MUC6: variants seen among roughly 807,000 people sequenced by gnomAD.
MUC6 encodes the protein mucin-6.
In MUC6, 188 loss-of-function variants were observed where a neutral mutation model predicts 201.5. The ratio of observed to expected loss-of-function variants is 0.93; its 90% confidence interval spans 0.83 to 1.05. The LOEUF is 1.05. Among genes scored for constraint, MUC6 ranks in the 50% least tolerant of loss-of-function variants. The pLI is 0.00. For synonymous variants in MUC6, 1,228 were observed against 1,389.4 expected (o/e 0.88, Z 2.58); for missense variants, 2,706 against 3,256.9 (o/e 0.83, Z 4.12).
At chr11:1,032,387 C>T (rs575493759) in intron 2 of MUC6, among the ~76,000 whole-genome samples, 2 of 150,842 alleles carry the variant, frequency 1.3e-5, no homozygotes, top group African/African-American at 4.9e-5. Flanking sequence ...TGTTGGAGGG[C>T]TGTGTAGGCG....
intron 5 of MUC6, 54 bp downstream of exon 5, chr11:1,031,111 TGCCC>T: frequency 1.7e-6 from 1 of 591,482 alleles, no homozygotes; most frequent in Admixed American, 7.2e-5. Context: ...GAGGCCCCCC[TGCCC>T]TGCCCCCCAC....
At position 1,029,545 on chromosome 11, in the gene MUC6, G is replaced by A. The variant is rs747438180; in HGVS notation, c.1086C>T (p.His362=). ...CCTCCCCGGGGGCATACATGGCGCC[G>A]TGGAGCACACAGGGGCACTGGGTGA... ...VPVTQCPCVL[H]GAMYAPGEVT... is the part of the protein sequence containing the mutation. Residue 362 remains histidine, a synonymous_variant, in exon 9 of 33, where the codon CAC becomes CAT. Coordinates refer to ENST00000421673, the MANE Select transcript of MUC6 (RefSeq NM_005961.3). 1.5e-5 allele frequency: 24 copies of A among 1,612,290 alleles called. No individual in the cohort carries two copies. Among genetic ancestry groups the A allele is most frequent in the Non-Finnish European group, 2.0e-5 (24 of 1,179,604 alleles).
chr11:1,026,167 T>A, intron 20 of MUC6, 26 bp from the exon 21 acceptor site: 1 of 1,577,462 alleles, frequency 6.3e-7, no homozygotes, highest in Non-Finnish European at 8.6e-7. Context: ...GTGTGGGTGG[T>A]GGGCCTGCGG....
rs543574423 is a variant in MUC6, at chr11:1,026,391, G to A, written c.2482C>T (p.Pro828Ser). The A allele has an allele frequency of 7.8e-5, 126 of 1,608,926 alleles. 1 individual carries two copies. The East Asian group carries it at 2.7e-3, about 35-fold the overall frequency. ...DGQCVPPEEC[P>S]CEFSGVSYPG... ...TAGGAGACCCCCGAGAACTCACATGGGCACTCCTCGGGGGGCACACACTGC... is the reference window on the plus strand; with the variant it reads ...TAGGAGACCCCCGAGAACTCACATGAGCACTCCTCGGGGGGCACACACTGC... Residue 828 changes from proline to serine, a missense_variant, in exon 20 of 33, where the codon CCA becomes TCA. By Grantham distance (74) the Pro-to-Ser change is moderately conservative (BLOSUM62 -1). Transcript: ENST00000421673.
rs931413042 is a variant in MUC6 at position 1,015,918 on chromosome 11, T to C, written c.6883A>G (p.Ile2295Val). Residue 2295 changes from isoleucine to valine, a missense_variant, in exon 31 of 33, where the codon ATC becomes GTC. By Grantham distance (29) the Ile-to-Val change is conservative (BLOSUM62 3). Around this residue, in one of 10 missense-constraint regions of MUC6, gnomAD observed 586 missense variants for 488.0 expected, o/e 1.20. Coordinates refer to ENST00000421673, the MANE Select transcript of MUC6 (RefSeq NM_005961.3). Reference sequence around the variant, plus strand: ...AGGTTGGTGACTGGAGAGGTGGGGATACCCGTCACCCCCGAGGTGAGTGAC... The same window carrying C: ...AGGTTGGTGACTGGAGAGGTGGGGACACCCGTCACCCCCGAGGTGAGTGAC... The part of the protein sequence containing the change: ...FVSLTSGVTG[I>V]PTSPVTNLTT... 2.5e-6 allele frequency: 4 copies of C among 1,604,052 alleles called. No individual in the cohort carries two copies. The Admixed American group carries it at 5.0e-5, about 20-fold the overall frequency.
chr11:1,024,290 C>T (rs368358591), intron 24 of MUC6, among the ~76,000 whole-genome samples, 187 bp from the exon 25 acceptor site: 94 of 152,308 alleles, frequency 6.2e-4, no homozygotes, highest in African/African-American at 2.1e-3. Flanking sequence ...GATGCTGCCA[C>T]GGAGGCCTGA....
At chr11:1,030,148 G>C in intron 8 of MUC6, 65 bp downstream of exon 8, 1 of 1,488,114 alleles carries the variant, frequency 6.7e-7, no homozygotes, top group East Asian at 2.5e-5. Flanking sequence ...GGGGTCTGAC[G>C]TCCCCTTGTC....
chr11:1,029,011 C>A, intron 11 of MUC6, 35 bp downstream of exon 11: 1 of 1,612,908 alleles, frequency 6.2e-7, no homozygotes, highest in Non-Finnish European at 8.5e-7. Context: ...GGAGCGGAGC[C>A]CTGCTGGCAG....
Position 1,027,995 on chromosome 11 carries a change from G to T in MUC6, c.1818C>A (p.His606Gln), listed in dbSNP as rs778486663. The T allele has an allele frequency of 6.3e-7, 1 of 1,584,728 alleles. No individual in the cohort carries two copies. The highest frequency in any genetic ancestry group is 8.6e-7 in the Non-Finnish European group (1 of 1,165,910). Reference protein sequence around the residue: ...LRTGTVFERCHATVNPAPFYK... With the variant: ...LRTGTVFERCQATVNPAPFYK... ...AGAAGGGTGCAGGGTTCACTGTGGC[G>T]TGGCACCTCTCGAACACCGTGCCTG... is the stretch of plus-strand genomic sequence containing the variant. Residue 606 changes from histidine (H) to glutamine (Q), a missense_variant, in exon 15 of 33, where the codon CAC (histidine) becomes CAA (glutamine). Around this residue, in one of 10 missense-constraint regions of MUC6, gnomAD observed 1,850 missense variants for 1,958.3 expected, o/e 0.94. Transcript: ENST00000421673.
chr11:1,013,822 G>A lies in MUC6; in HGVS notation c.7142+77C>T, dbSNP rs779656112. 8.1e-6 allele frequency: 12 copies of A among 1,474,098 alleles called. 1 individual carries two copies. Among genetic ancestry groups the A allele is most frequent in the Admixed American group, 3.9e-5 (2 of 51,054 alleles). The allele number at this position is 1,474,098 out of a possible 1,614,324, so 91.3% of individuals were successfully genotyped here. The stretch of plus-strand genomic sequence containing the variant: ...TGATGGGGCAGCAGGCGCCTGGGTG[G>A]GGTGCCCGAACCTCTCTGGGGTGGG... On this transcript the variant is annotated intron_variant, in intron 32 of 32. Transcript: ENST00000421673.
Position 1,032,046 on chromosome 11 carries a change from G to T in MUC6, c.123C>A (p.Asp41Glu). 1.2e-6 allele frequency: 2 copies of T among 1,613,226 alleles called. No individual in the cohort carries two copies. Among genetic ancestry groups the T allele is most frequent in the Non-Finnish European group, 1.7e-6 (2 of 1,179,874 alleles). The change falls in exon 3 of 33, where the codon GAC (aspartate) becomes GAA (glutamate). Residue 41 changes from aspartate (D) to glutamate (E), a missense_variant. Asp to Glu is a conservative substitution (Grantham distance 45, BLOSUM62 2). Coordinates refer to ENST00000421673, the MANE Select transcript of MUC6 (RefSeq NM_005961.3). ...CCCCCCACGTGGAGCACTGGCCTTT[G>T]TCCGGGGCTACAGAGAGAGCAGTGC... ...RLKDSPQTAP[D>E]KGQCSTWGAG... is the part of the protein sequence containing the mutation.
At position 1,030,898 on chromosome 11, in the gene MUC6, C is replaced by T. The variant is rs548231255; in HGVS notation, c.684+49G>A. 2.0e-5 allele frequency: 30 copies of T among 1,537,292 alleles called. No homozygotes were observed. The East Asian group carries it at 3.7e-4, about 19-fold the overall frequency. Reference sequence around the variant, plus strand: ...TTGTGGGGGCCCTTGGTGGTCTCGGCGACCCTGTCAGACCTGGGGTCAGCC... The same window carrying T: ...TTGTGGGGGCCCTTGGTGGTCTCGGTGACCCTGTCAGACCTGGGGTCAGCC... On this transcript the variant is annotated intron_variant, in intron 6 of 32. Transcript: ENST00000421673.
Position 1,018,315 on chromosome 11 carries a change from T to C in MUC6, c.4486A>G (p.Thr1496Ala). 1 of 1,613,992 alleles carries C rather than the reference T, an allele frequency of 6.2e-7. No homozygotes were observed. ...PPTTLKATGSTHTAPPITPTT... is the reference protein window; with the variant it reads ...PPTTLKATGSAHTAPPITPTT... ...GGCGTTATTGGTGGGGCTGTGTGGG[T>C]GGACCCTGTGGCCTTGAGCGTTGTT... Residue 1496 changes from threonine to alanine, a missense_variant, in exon 31 of 33, where the codon ACC (threonine) becomes GCC (alanine). Thr to Ala is a moderately conservative substitution (Grantham distance 58, BLOSUM62 0). Transcript: ENST00000421673.
chr11:1,015,861 G>A lies in MUC6; in HGVS notation c.6940C>T (p.Pro2314Ser). 1 of 1,607,424 alleles carries A rather than the reference G, an allele frequency of 6.2e-7. No homozygotes were observed. Among genetic ancestry groups the A allele is most frequent in the African/African-American group, 1.3e-5 (1 of 74,976 alleles). The change falls in exon 31 of 33, where the codon CCT becomes TCT. Residue 2314 changes from proline (P) to serine (S), a missense_variant. By Grantham distance (74) the Pro-to-Ser change is moderately conservative. This residue lies in a region of MUC6 where 586 missense variants were observed against 488.0 expected (regional missense o/e 1.20). Transcript: ENST00000421673. ...GAGCTGGTCAGGAACCGTGTGGTAG[G>A]CGACAAGGTGGGACCAGGGTGCCTG... ...TTRHPGPTLS[P>S]TTRFLTSSLT...
intron 1 of MUC6, among the ~76,000 whole-genome samples, chr11:1,034,695 C>T (rs1475270234): frequency 6.6e-6 from 1 of 152,206 alleles, no homozygotes; most frequent in Non-Finnish European, 1.5e-5. Flanking sequence ...AACTCAGTTT[C>T]TCCACCTTTC....
chr11:1,031,263 C>T lies in MUC6; in HGVS notation c.484-4G>A, dbSNP rs376806093. Reference sequence around the variant, plus strand: ...TGTACTTCCGCTCCACCAGAACCTGCGGGAGACGGCTCTGCTGGGGGCCCG... The same window carrying T: ...TGTACTTCCGCTCCACCAGAACCTGTGGGAGACGGCTCTGCTGGGGGCCCG... On this transcript the variant is annotated splice_region_variant and splice_polypyrimidine_tract_variant and intron_variant, in intron 4 of 32. Transcript: ENST00000421673. 167 of 1,561,078 alleles carry T rather than the reference C, an allele frequency of 1.1e-4. 1 individual carries two copies. Among genetic ancestry groups the T allele is most frequent in the Non-Finnish European group, 1.1e-4 (122 of 1,153,506 alleles).
intron 9 of MUC6, 40 bp downstream of exon 9, chr11:1,029,455 C>A: frequency 6.2e-7 from 1 of 1,608,338 alleles, no homozygotes; most frequent in African/African-American, 1.3e-5. Context: ...CAGTGGAACC[C>A]CTGCCGGCCG....
intron 25 of MUC6, 36 bp from the exon 26 acceptor site, chr11:1,023,688 TG>T: frequency 6.2e-7 from 1 of 1,603,980 alleles, no homozygotes; most frequent in South Asian, 1.1e-5. Context: ...GTGGGGTTCC[TG>T]GCCCTGGCCC....
rs753709981 is a variant in MUC6 at position 1,028,933 on chromosome 11, A to G, written c.1409T>C (p.Val470Ala). The G allele has an allele frequency of 1.2e-5, 20 of 1,612,942 alleles. No homozygotes were observed. The highest frequency in any genetic ancestry group is 1.7e-5 in the Non-Finnish European group (20 of 1,179,864). ...CTTGGCTTCTCCGTTGTTGGTGACC[A>G]CCTCGTCCTGAGAGATCACAATTTT... ...QDKIVISQDE[V>A]VTNNGEAKWL... is the part of the protein sequence containing the mutation. The change falls in exon 12 of 33, where the codon GTG becomes GCG. Residue 470 changes from valine to alanine, a missense_variant. Physicochemically the swap from Val to Ala is moderately conservative, Grantham distance 64 (BLOSUM62 0). Transcript: ENST00000421673.
Sources: allele counts gnomAD v4.1 joint callset (sites outside exome capture counted in the v4.1 genomes callset), GRCh38; gene constraint gnomAD v4.1.1; regional missense constraint gnomAD v4.1.1; transcripts MANE v1.5; gene names NCBI Gene and HGNC (gene_info 2026-07-23, HGNC 2026-07-21).